The following CCDC171 variants were observed in gnomAD, a reference collection of about 807,000 sequenced individuals.
CCDC171 encodes the protein coiled-coil domain containing 171.
In CCDC171, 177 loss-of-function variants were observed where a neutral mutation model predicts 168.2. The observed-to-expected ratio is 1.05, with a 90% CI of 0.93 to 1.19. The LOEUF is 1.19. Among genes scored for constraint, CCDC171 ranks in the 50% most tolerant of loss-of-function variants. CCDC171 has a pLI of 0.00. For synonymous variants in CCDC171, 687 were observed against 540.8 expected, an observed-to-expected ratio of 1.27 and a Z score of -3.75; for missense variants, 1,991 against 1,539.0, an observed-to-expected ratio of 1.29 and a Z score of -4.91.
At chr9:15,923,915 A>G (rs1410771289) in intron 25 of CCDC171, among the ~76,000 whole-genome samples, 3 of 151,290 alleles carry the variant, frequency 2.0e-5, no homozygotes, top group Non-Finnish European at 4.4e-5. Flanking sequence ...CAGATCTAGG[A>G]TTTGTAGTAA....
chr9:15,602,019 G>A (rs769229635), intron 6 of CCDC171, among the ~76,000 whole-genome samples: 4 of 152,142 alleles, frequency 2.6e-5, no homozygotes, highest in Non-Finnish European at 5.9e-5. Flanking sequence ...CTTTCATTAT[G>A]AGGTGTACAG....
intron 24 of CCDC171, among the ~76,000 whole-genome samples, chr9:15,911,494 G>A (rs1038795899): frequency 1.3e-5 from 2 of 152,142 alleles, no homozygotes; most frequent in African/African-American, 4.8e-5. Context: ...TATTCTGTAG[G>A]TTGCCTGTTC....
At chr9:15,575,897 G>T (rs1388988587) in intron 3 of CCDC171, among the ~76,000 whole-genome samples, 1 of 152,118 alleles carries the variant, frequency 6.6e-6, no homozygotes, top group Non-Finnish European at 1.5e-5. Flanking sequence ...TTTGAGACCA[G>T]CCTGGCCAAC....
chr9:15,632,895 A>G lies in CCDC171; in HGVS notation c.822+9482A>G, dbSNP rs181078691. On this transcript the variant is annotated intron_variant, in intron 7 of 25. Transcript: ENST00000380701. ...TATCTATGACTATCTGATCTTTGACAAACCTGAGAAAAACAAGCAACGCGG... is the reference window on the plus strand; with the variant it reads ...TATCTATGACTATCTGATCTTTGACGAACCTGAGAAAAACAAGCAACGCGG... Among the ~76,000 whole-genome samples the G allele has an allele frequency of 8.5e-3, 1,291 of 152,320 alleles. 7 individuals are homozygous for G. Among genetic ancestry groups the G allele is most frequent in the Non-Finnish European group, 0.015 (995 of 68,028 alleles).
At chr9:16,042,103 A>C (rs1253040070), upstream of CCDC171, among the ~76,000 whole-genome samples, 8 of 152,354 alleles carry the variant, frequency 5.3e-5, no homozygotes, top group Non-Finnish European at 8.8e-5. Flanking sequence ...TCCCAGACTC[A>C]GTCAGCTAGT....
chr9:15,937,018 C>G (rs1401161415), intron 25 of CCDC171, among the ~76,000 whole-genome samples: 1 of 152,034 alleles, frequency 6.6e-6, no homozygotes, highest in Non-Finnish European at 1.5e-5. Flanking sequence ...TGCACTTTAT[C>G]AAGAACAAGG....
At chr9:15,694,960 A>G (rs1176033183) in intron 10 of CCDC171, among the ~76,000 whole-genome samples, 1 of 152,168 alleles carries the variant, frequency 6.6e-6, no homozygotes, top group African/African-American at 2.4e-5. Context: ...TAGCCTTTCC[A>G]TCATAGGGTT....
intron 21 of CCDC171, among the ~76,000 whole-genome samples, chr9:15,811,349 A>C (rs1392961307): frequency 6.6e-6 from 1 of 152,248 alleles, no homozygotes. Context: ...GAAACATTAC[A>C]CAAATAAATA....
At position 15,631,417 on chromosome 9, in the gene CCDC171, T is replaced by A. The variant is rs529523867; in HGVS notation, c.822+8004T>A. Reference sequence around the variant, plus strand: ...ACCTCTACGCAAATAAACTAGAAAATCTTGAAGAAATTGATAGATTCTTGG... The same window carrying A: ...ACCTCTACGCAAATAAACTAGAAAAACTTGAAGAAATTGATAGATTCTTGG... On this transcript the variant is annotated intron_variant, in intron 7 of 25. Transcript: ENST00000380701. Among the ~76,000 whole-genome samples the A allele has an allele frequency of 1.2e-4, 18 of 151,938 alleles. No individual in the cohort carries two copies. The South Asian group carries it at 3.5e-3, about 30-fold the overall frequency.
At chr9:15,823,402 C>T (rs2059877510) in intron 21 of CCDC171, among the ~76,000 whole-genome samples, 1 of 151,808 alleles carries the variant, frequency 6.6e-6, no homozygotes, top group Non-Finnish European at 1.5e-5. Flanking sequence ...TAATTTTTTT[C>T]ACAGATGTTT....
At chr9:16,006,269 C>T (rs1320610705) in intron 3 of CCDC171, among the ~76,000 whole-genome samples, 2 of 152,132 alleles carry the variant, frequency 1.3e-5, no homozygotes, top group Non-Finnish European at 2.9e-5. Context: ...TATTATCTGA[C>T]AATAACTTTT....
At chr9:16,000,047 C>T (rs900283343) in intron 3 of CCDC171, among the ~76,000 whole-genome samples, 1 of 152,150 alleles carries the variant, frequency 6.6e-6, no homozygotes, top group African/African-American at 2.4e-5. Flanking sequence ...AAGCATAATG[C>T]CCTGAGACCT....
At chr9:15,802,741 AG>A (rs1173213767) in intron 21 of CCDC171, among the ~76,000 whole-genome samples, 10 of 152,300 alleles carry the variant, frequency 6.6e-5, no homozygotes, top group Non-Finnish European at 1.3e-4. Context: ...CCTTTATAAT[AG>A]AACAATTTAT....
At chr9:16,108,375 A>G in the CCDC171 span, among the ~76,000 whole-genome samples, 1 of 152,316 alleles carries the variant, frequency 6.6e-6, no homozygotes, top group East Asian at 1.9e-4. Context: ...TAAATATTGG[A>G]GGCTTGTGAA....
At chr9:15,637,955 C>A (rs1467760814) in intron 7 of CCDC171, among the ~76,000 whole-genome samples, 2 of 152,074 alleles carry the variant, frequency 1.3e-5, no homozygotes, top group African/African-American at 4.8e-5. Flanking sequence ...TTTATAACAG[C>A]ATGATTTATA....
rs550980277 is a variant in CCDC171, at chr9:15,629,014, A to T, written c.822+5601A>T. On this transcript the variant is annotated intron_variant, in intron 7 of 25. Coordinates refer to ENST00000380701, the MANE Select transcript of CCDC171 (RefSeq NM_173550.4). ...ACTAACAAACAGAAAGGACATCCAC[A>T]CCAAAAACCCTTCTGTACATCACCA... Among the ~76,000 whole-genome samples, 211 of 152,284 alleles carry T rather than the reference A, an allele frequency of 1.4e-3. 1 individual carries two copies. Among genetic ancestry groups the T allele is most frequent in the African/African-American group, 4.3e-3 (180 of 41,556 alleles).
At chr9:15,569,224 A>G (rs570427661) in intron 2 of CCDC171, among the ~76,000 whole-genome samples, 74 of 152,238 alleles carry the variant, frequency 4.9e-4, no homozygotes, top group African/African-American at 1.7e-3. Flanking sequence ...GTTTCCTCCC[A>G]TTCAGAGAGA....
chr9:15,878,599 A>T (rs112904108), intron 24 of CCDC171, among the ~76,000 whole-genome samples: 1 of 152,234 alleles, frequency 6.6e-6, no homozygotes, highest in East Asian at 1.9e-4. Flanking sequence ...AAACAGAACT[A>T]CCATTTGACC....
intron 21 of CCDC171, 123 bp downstream of exon 21, chr9:15,784,817 T>G (rs1443108721): frequency 7.2e-6 from 5 of 698,396 alleles, no homozygotes; most frequent in African/African-American, 1.8e-5. Context: ...TCTATGAGGA[T>G]AGAATGAAAC....
Sources: gnomAD v4.1 joint callset for allele counts (sites outside exome capture counted in the v4.1 genomes callset) on GRCh38, gnomAD v4.1.1 for gene constraint, MANE v1.5 for transcripts, NCBI Gene and HGNC (gene_info 2026-07-23, HGNC 2026-07-21) for gene names.